Variants in NEGR1 observed in about 807,000 individuals in gnomAD.
The protein encoded by NEGR1 is neuronal growth regulator 1.
Under a neutral mutation model 40.9 loss-of-function variants are expected in NEGR1, and 10 were observed. The ratio of observed to expected loss-of-function variants is 0.24; its 90% CI spans 0.15 to 0.42. The LOEUF is 0.42. Among genes scored for constraint, NEGR1 ranks in the 10% least tolerant of loss-of-function variants. The pLI, the probability that NEGR1 is intolerant of heterozygous loss-of-function variation, is 1.00. For synonymous variants in NEGR1, 185 were observed against 166.8 expected (o/e 1.11, Z -0.84); for missense variants, 352 against 438.9 (o/e 0.80, Z 1.77).
intron 1 of NEGR1, among the ~76,000 whole-genome samples, chr1:72,166,723 G>A (rs1651778421): frequency 6.6e-6 from 1 of 152,072 alleles, no homozygotes; most frequent in South Asian, 2.1e-4. Context: ...TCTCATAAAA[G>A]CAGAGAGTAT....
chr1:71,835,291 G>A (rs984796473), intron 2 of NEGR1, among the ~76,000 whole-genome samples: 2 of 152,062 alleles, frequency 1.3e-5, no homozygotes, highest in African/African-American at 4.8e-5. Flanking sequence ...GCCAAGATTT[G>A]CAGAATGGGC....
At chr1:71,895,930 C>T (rs973587897) in intron 2 of NEGR1, among the ~76,000 whole-genome samples, 2 of 152,022 alleles carry the variant, frequency 1.3e-5, no homozygotes, top group Non-Finnish European at 2.9e-5. Flanking sequence ...CGCCTTTTTG[C>T]TAACACCTCT....
chr1:71,924,481 G>A (rs1490636123), intron 2 of NEGR1, among the ~76,000 whole-genome samples: 1 of 152,118 alleles, frequency 6.6e-6, no homozygotes, highest in Non-Finnish European at 1.5e-5. Flanking sequence ...ATAAATAGCT[G>A]CAAAATCTGT....
Position 71,688,371 on chromosome 1 carries a change from T to TATAAAAAAGATATATATG in NEGR1, c.667+9636_667+9637insCATATATATCTTTTTTAT, listed in dbSNP as rs1553158636. Among the ~76,000 whole-genome samples the TATAAAAAAGATATATATG allele has an allele frequency of 4.9e-4, 47 of 95,072 alleles. 1 individual carries two copies. Among genetic ancestry groups the TATAAAAAAGATATATATG allele is most frequent in the East Asian group, 3.0e-3 (9 of 3,028 alleles). The allele number at this position is 95,072 out of a possible 152,430, so 62.4% of individuals were successfully genotyped here. Reference sequence around the variant, plus strand: ...ATAGATAGATTATATATATATGAGATATATACATAAAAGATATATAAAATA... The same window carrying TATAAAAAAGATATATATG: ...ATAGATAGATTATATATATATGAGATATAAAAAAGATATATATGATATACATAAAAGATATATAAAATA... On this transcript the variant is annotated intron_variant, in intron 4 of 6. Coordinates refer to ENST00000357731, the MANE Select transcript of NEGR1 (RefSeq NM_173808.3).
intron 2 of NEGR1, among the ~76,000 whole-genome samples, chr1:71,895,901 A>G (rs1660957799): frequency 6.6e-6 from 1 of 152,144 alleles, no homozygotes; most frequent in African/African-American, 2.4e-5. Context: ...TATTTTATAT[A>G]TCAAGGTACC....
At chr1:71,821,198 C>T (rs1658416827) in intron 2 of NEGR1, among the ~76,000 whole-genome samples, 1 of 151,912 alleles carries the variant, frequency 6.6e-6, no homozygotes, top group African/African-American at 2.4e-5. Flanking sequence ...AGATCTGCAC[C>T]ATCTGGATAA....
chr1:71,543,806 A>G (rs1247248793), intron 6 of NEGR1, among the ~76,000 whole-genome samples: 1 of 151,744 alleles, frequency 6.6e-6, no homozygotes, highest in Non-Finnish European at 1.5e-5. Flanking sequence ...GTCTTGTACC[A>G]AATTACATCT....
intron 2 of NEGR1, among the ~76,000 whole-genome samples, chr1:71,787,169 A>T: frequency 6.6e-6 from 1 of 152,228 alleles, no homozygotes; most frequent in East Asian, 1.9e-4. Flanking sequence ...AGTTGTTAAA[A>T]GCAACCACGT....
chr1:71,581,887 A>T (rs1649149898), intron 6 of NEGR1, among the ~76,000 whole-genome samples: 1 of 151,930 alleles, frequency 6.6e-6, no homozygotes, highest in East Asian at 1.9e-4. Context: ...TATTTTTTGT[A>T]GAGATGGGGT....
chr1:72,112,050 TGAA>T (rs10572118), intron 1 of NEGR1, among the ~76,000 whole-genome samples: 34,196 of 151,514 alleles, frequency 0.23, 4,354 homozygotes, highest in Non-Finnish European at 0.29. Context: ...ATTGTTAATA[TGAA>T]GAAGGCCACA....
At chr1:72,200,878 T>A (rs368526553) in intron 1 of NEGR1, among the ~76,000 whole-genome samples, 1 of 151,894 alleles carries the variant, frequency 6.6e-6, no homozygotes, top group African/African-American at 2.4e-5. Context: ...AGCACTTATA[T>A]GTATTTGCTA....
intron 1 of NEGR1, among the ~76,000 whole-genome samples, chr1:71,973,592 T>C (rs1481230199): frequency 3.3e-5 from 5 of 152,216 alleles, no homozygotes; most frequent in Admixed American, 6.5e-5. Flanking sequence ...TATTTATCTT[T>C]AAGCAAGTTT....
At chr1:71,583,260 CA>C (rs1649194727) in intron 6 of NEGR1, among the ~76,000 whole-genome samples, 1 of 151,872 alleles carries the variant, frequency 6.6e-6, no homozygotes, top group Admixed American at 6.6e-5. Context: ...AGGATGGTAA[CA>C]AGGAAACGAA....
At chr1:71,646,738 C>G (rs1214829345) in intron 4 of NEGR1, among the ~76,000 whole-genome samples, 2 of 151,762 alleles carry the variant, frequency 1.3e-5, no homozygotes, top group Non-Finnish European at 2.9e-5. Context: ...AGATAAGTCT[C>G]AGAGAGAAAA....
chr1:71,858,382 A>T (rs1659845707), intron 2 of NEGR1, among the ~76,000 whole-genome samples: 1 of 152,110 alleles, frequency 6.6e-6, no homozygotes, highest in Non-Finnish European at 1.5e-5. Context: ...CAGACTGCCT[A>T]CAGAGCAATG....
chr1:71,845,329 C>A (rs1293323649), intron 2 of NEGR1, among the ~76,000 whole-genome samples: 1 of 151,782 alleles, frequency 6.6e-6, no homozygotes, highest in African/African-American at 2.4e-5. Flanking sequence ...AGGCATAAAT[C>A]ATAATCAATT....
At chr1:71,447,734 T>G (rs1206573470) in intron 6 of NEGR1, among the ~76,000 whole-genome samples, 6 of 152,246 alleles carry the variant, frequency 3.9e-5, no homozygotes, top group Non-Finnish European at 8.8e-5. Context: ...TAAGGGACTA[T>G]GAAGCACTCG....
At chr1:71,444,827 T>C (rs1646569903) in intron 6 of NEGR1, among the ~76,000 whole-genome samples, 1 of 152,168 alleles carries the variant, frequency 6.6e-6, no homozygotes, top group African/African-American at 2.4e-5. Context: ...AAGTACAATA[T>C]AACACAGTTT....
intron 6 of NEGR1, among the ~76,000 whole-genome samples, chr1:71,581,836 G>C (rs543492985): frequency 3.3e-5 from 5 of 152,012 alleles, no homozygotes; most frequent in Admixed American, 1.3e-4. Context: ...CCAAGTAGCT[G>C]GGATGACAGG....
Sources: gnomAD v4.1 joint callset for allele counts (sites outside exome capture counted in the v4.1 genomes callset) on GRCh38, gnomAD v4.1.1 for gene constraint, MANE v1.5 for transcripts, NCBI Gene and HGNC (gene_info 2026-07-23, HGNC 2026-07-21) for gene names.